NLRP2: variants seen among roughly 807,000 people sequenced by gnomAD.
NLRP2 encodes the protein NLR family pyrin domain containing 2.
NLRP2 carries 107 observed loss-of-function variants against 97.2 expected under a neutral mutation model. That is an observed-to-expected ratio of 1.10 (90% CI 0.94 to 1.29). NLRP2 has a LOEUF of 1.29. Ranked by LOEUF, NLRP2 falls within the 50% of genes most tolerant of loss-of-function variation. The probability of loss-of-function intolerance (pLI) is 0.00; values close to 1 mark genes in which losing one functional copy is unlikely to be tolerated. For synonymous variants in NLRP2, 663 were observed against 551.5 expected, an observed-to-expected ratio of 1.20 and a Z score of -2.83; for missense variants, 1,495 against 1,330.3, an observed-to-expected ratio of 1.12 and a Z score of -1.93.
At position 54,988,018 on chromosome 19, in the gene NLRP2, T is replaced by C. The variant is rs2072212653; in HGVS notation, c.2366+1703T>C. Among the ~76,000 whole-genome samples, 3 of 152,290 alleles carry C rather than the reference T, an allele frequency of 2.0e-5. No homozygotes were observed. The South Asian group carries it at 6.2e-4, about 32-fold the overall frequency. On this transcript the variant is annotated intron_variant, in intron 8 of 12. Transcript: ENST00000448584. ...AAGATCACGCCATTGCACTCCAGCCTGGGCAACAGAGCAAAACTCCATCTC... is the reference window on the plus strand; with the variant it reads ...AAGATCACGCCATTGCACTCCAGCCCGGGCAACAGAGCAAAACTCCATCTC...
chr19:54,981,576 C>T (rs780240991), intron 4 of NLRP2, 41 bp from the exon 5 acceptor site: 10 of 961,908 alleles, frequency 1.0e-5, no homozygotes, highest in South Asian at 5.0e-5. Flanking sequence ...AGGAAATACA[C>T]CTGATTTTGT....
intron 4 of NLRP2, 70 bp downstream of exon 4, chr19:54,977,893 C>T (rs760477111): frequency 3.1e-4 from 426 of 1,361,756 alleles, no homozygotes; most frequent in Non-Finnish European, 4.4e-4. Flanking sequence ...ATCTCCTGTT[C>T]CTTTGAAGAA....
At position 54,996,048 on chromosome 19, in the gene NLRP2, A is replaced by C. The variant is rs188576168; in HGVS notation, c.2880-1269A>C. Reference sequence around the variant, plus strand: ...GTGAGATCCTGTCTCAAAAAAAAAAAAAAAACAAAAAAAACAAAGGCGCCT... The same window carrying C: ...GTGAGATCCTGTCTCAAAAAAAAAACAAAAACAAAAAAAACAAAGGCGCCT... On this transcript the variant is annotated intron_variant, in intron 11 of 12. Coordinates refer to ENST00000448584, the MANE Select transcript of NLRP2 (RefSeq NM_017852.5). Among the ~76,000 whole-genome samples the C allele has an allele frequency of 2.9e-3, 431 of 147,968 alleles. 3 individuals carry two copies. The highest frequency in any genetic ancestry group is 5.1e-3 in the Non-Finnish European group (342 of 67,064).
intron 4 of NLRP2, 139 bp from the exon 5 acceptor site, chr19:54,981,478 T>C (rs1405929396): frequency 1.0e-5 from 7 of 677,126 alleles, no homozygotes; most frequent in South Asian, 4.6e-5. Flanking sequence ...GGAAAACACA[T>C]TTGTAGCTTA....
intron 2 of NLRP2, among the ~76,000 whole-genome samples, chr19:54,972,556 C>A (rs922809183): frequency 6.6e-6 from 1 of 151,962 alleles, no homozygotes; most frequent in Non-Finnish European, 1.5e-5. Flanking sequence ...CTCACTGCAG[C>A]CTTGACCTCC....
Position 54,985,091 on chromosome 19 carries a change from G to A in NLRP2, c.2075G>A (p.Cys692Tyr). 1.2e-6 allele frequency: 2 copies of A among 1,614,020 alleles called. No individual in the cohort carries two copies. Among genetic ancestry groups the A allele is most frequent in the East Asian group, 4.5e-5 (2 of 44,872 alleles). The change falls in exon 7 of 13, where the codon TGT (cysteine) becomes TAT (tyrosine). Residue 692 changes from cysteine to tyrosine, a missense_variant. By Grantham distance (194) the Cys-to-Tyr change is radical. Coordinates refer to ENST00000448584, the MANE Select transcript of NLRP2 (RefSeq NM_017852.5). ...QHMLPFWTDL[C>Y]SIFGSNKDLM... ...ATGCTTCCTTTCTGGACGGACCTTT[G>A]TTCCATATTTGGATCAAATAAGGAT...
chr19:54,992,506 G>A (rs1460285685), intron 10 of NLRP2, among the ~76,000 whole-genome samples: 1 of 138,242 alleles, frequency 7.2e-6, no homozygotes, highest in Non-Finnish European at 1.5e-5. Flanking sequence ...GGTTGTGTGT[G>A]TGTGTGGTGT....
Position 54,977,911 on chromosome 19 carries a change from T to C in NLRP2, c.397+88T>C. 5 of 1,177,558 alleles carry C rather than the reference T, an allele frequency of 4.2e-6. No homozygotes were observed. In the South Asian group the frequency reaches 6.2e-5, roughly 15 times the overall value. 72.9% of individuals were successfully genotyped at this position (1,177,558 alleles called of 1,614,324 possible). A position where few individuals can be genotyped will look rare whatever the true frequency, so the allele number is the denominator to read the frequency against. ...TCCTGTTCCTTTGAAGAACCCCATC[T>C]CTCTCCAATCTTTTCCTCCACTATT... On this transcript the variant is annotated intron_variant, in intron 4 of 12. Coordinates refer to ENST00000448584, the MANE Select transcript of NLRP2 (RefSeq NM_017852.5).
chr19:54,989,496 A>G (rs925188694), intron 8 of NLRP2: 2 of 182,376 alleles, frequency 1.1e-5, no homozygotes, highest in African/African-American at 2.4e-5. Flanking sequence ...ACAATGAAAC[A>G]TAGGTTAGCG....
chr19:54,967,424 G>C (rs1160862507), intron 1 of NLRP2, among the ~76,000 whole-genome samples: 2 of 152,096 alleles, frequency 1.3e-5, no homozygotes, highest in Non-Finnish European at 2.9e-5. Context: ...GGAGGTTGCG[G>C]GGAGCCTAGA....
rs768224595 is a variant in NLRP2, at chr19:55,000,900, TC to T, written c.*8del. 14 of 1,613,248 alleles carry T rather than the reference TC, an allele frequency of 8.7e-6. No homozygotes were observed. The highest frequency in any genetic ancestry group is 1.1e-5 in the Non-Finnish European group (13 of 1,179,406). On this transcript the variant is annotated 3_prime_UTR_variant, in exon 13 of 13. Transcript: ENST00000448584. ...TCTTCTCATGACTTCATGATCTGAA[TC>T]CCCCCGAGTCATTCATTCTCCATGA...
chr19:54,990,900 G>T (rs1048919052), intron 10 of NLRP2: 137 of 525,618 alleles, frequency 2.6e-4, no homozygotes, highest in Middle Eastern at 2.1e-3. Context: ...TGGTTTTCGG[G>T]TTTTTTTTTT....
intron 1 of NLRP2, among the ~76,000 whole-genome samples, chr19:54,966,785 C>A (rs951944228): frequency 1.3e-5 from 2 of 149,964 alleles, no homozygotes; most frequent in East Asian, 3.9e-4. Flanking sequence ...CTCGGCCTCC[C>A]AAGGTGCCGG....
intron 10 of NLRP2, chr19:54,993,958 C>T (rs1193660816): frequency 1.7e-5 from 8 of 475,808 alleles, no homozygotes; most frequent in Non-Finnish European, 3.1e-5. Context: ...CTCCTGCTGG[C>T]TTTGACTCTC....
chr19:54,988,065 T>G (rs1053104380), intron 8 of NLRP2, among the ~76,000 whole-genome samples: 3 of 152,062 alleles, frequency 2.0e-5, no homozygotes, highest in African/African-American at 7.2e-5. Context: ...AAAAATTGAT[T>G]GCTCTGGCTC....
rs1304085957 is a variant in NLRP2, at chr19:54,983,212, G to A, written c.1514G>A (p.Ser505Asn). 5 of 1,613,944 alleles carry A rather than the reference G, an allele frequency of 3.1e-6. No individual in the cohort carries two copies. In the Admixed American group the frequency reaches 6.7e-5, roughly 22 times the overall value. Reference sequence around the variant, plus strand: ...GGCTGCTACTCCTTCATCCACCTCAGCTTCCAGCAGTTTCTCACTGCCCTG... The same window carrying A: ...GGCTGCTACTCCTTCATCCACCTCAACTTCCAGCAGTTTCTCACTGCCCTG... ...SKGCYSFIHL[S>N]FQQFLTALFY... The change falls in exon 6 of 13, where the codon AGC becomes AAC. Residue 505 changes from serine to asparagine, a missense_variant. Ser to Asn is a conservative substitution (Grantham distance 46). Coordinates refer to ENST00000448584, the MANE Select transcript of NLRP2 (RefSeq NM_017852.5).
chr19:55,000,816 A>G lies in NLRP2; in HGVS notation c.3107A>G (p.Glu1036Gly). ...AATAAGCTGCTGGAAGAAATAGAAGAAAAAAACCCACAACTGATTATTGAT... is the reference window on the plus strand; with the variant it reads ...AATAAGCTGCTGGAAGAAATAGAAGGAAAAAACCCACAACTGATTATTGAT... ...ELNKLLEEIEEKNPQLIIDTE... is the reference protein window; with the variant it reads ...ELNKLLEEIEGKNPQLIIDTE... Residue 1036 changes from glutamate (E) to glycine (G), a missense_variant, in exon 13 of 13, where the codon GAA becomes GGA. Physicochemically the swap from Glu to Gly is moderately conservative, Grantham distance 98. Coordinates refer to ENST00000448584, the MANE Select transcript of NLRP2 (RefSeq NM_017852.5). The G allele has an allele frequency of 1.2e-6, 2 of 1,613,558 alleles. No homozygotes were observed. Among genetic ancestry groups the G allele is most frequent in the South Asian group, 1.1e-5 (1 of 91,054 alleles).
intron 2 of NLRP2, 118 bp downstream of exon 2, chr19:54,970,413 G>T (rs754532975): frequency 8.1e-7 from 1 of 1,240,202 alleles, no homozygotes; most frequent in Admixed American, 1.9e-5. Flanking sequence ...CCCTTTGGGA[G>T]GCTGAGGCGG....
intron 6 of NLRP2, among the ~76,000 whole-genome samples, chr19:54,984,234 T>C: frequency 6.6e-6 from 1 of 151,720 alleles, no homozygotes; most frequent in Non-Finnish European, 1.5e-5. Context: ...ATCCTCAAAC[T>C]TCTGGGTTCA....
Sources: gnomAD v4.1 joint callset for allele counts (sites outside exome capture counted in the v4.1 genomes callset) on GRCh38, gnomAD v4.1.1 for gene constraint, MANE v1.5 for transcripts, NCBI Gene and HGNC (gene_info 2026-07-23, HGNC 2026-07-21) for gene names.